WWOX: variants seen among roughly 807,000 people sequenced by gnomAD.
The protein encoded by WWOX is WW domain containing oxidoreductase, also known as WW domain-containing oxidoreductase.
A neutral mutation model predicts 46.2 loss-of-function variants in WWOX; 69 were observed. The ratio of observed to expected loss-of-function variants is 1.49; its 90% CI spans 1.23 to 1.82. The LOEUF (loss-of-function observed/expected upper bound fraction) is 1.82, where lower values mean the gene tolerates loss of function less well. WWOX is among the 40% of genes most tolerant of loss of function. The pLI is 0.00. For synonymous variants in WWOX, 359 were observed against 202.6 expected, an observed-to-expected ratio of 1.77 and a Z score of -6.56; for missense variants, 919 against 542.6, an observed-to-expected ratio of 1.69 and a Z score of -6.89.
Position 79,186,526 on chromosome 16 carries a change from C to T in WWOX, c.1057-25082C>T, listed in dbSNP as rs146848122. Reference sequence around the variant, plus strand: ...CTGGTCACATTGGATTAAGGGCCTACCCTATTCCAGTCTGACTGCATCTTA... The same window carrying T: ...CTGGTCACATTGGATTAAGGGCCTATCCTATTCCAGTCTGACTGCATCTTA... On this transcript the variant is annotated intron_variant, in intron 8 of 8. Transcript: ENST00000566780. 2.4e-3 allele frequency among the ~76,000 whole-genome samples: 371 copies of T among 152,336 alleles called. 2 individuals are homozygous for T. The highest frequency in any genetic ancestry group is 8.3e-3 in the African/African-American group (343 of 41,574).
In WWOX at chr16:79,102,636, T is replaced by C. The variant is rs561363708; in HGVS notation, c.1057-108972T>C. 3.3e-5 allele frequency among the ~76,000 whole-genome samples: 5 copies of C among 152,120 alleles called. No homozygotes were observed. The East Asian group carries it at 7.8e-4, about 24-fold the overall frequency. On this transcript the variant is annotated intron_variant, in intron 8 of 8. Coordinates refer to ENST00000566780, the MANE Select transcript of WWOX (RefSeq NM_016373.4). Reference sequence around the variant, plus strand: ...ATGATCTCATTAAACAAGAAACATATATACAGTGCCTACCTAGGAAAGAGC... The same window carrying C: ...ATGATCTCATTAAACAAGAAACATACATACAGTGCCTACCTAGGAAAGAGC...
chr16:78,329,698 C>T (rs754765011), intron 5 of WWOX, among the ~76,000 whole-genome samples: 1 of 151,980 alleles, frequency 6.6e-6, no homozygotes, highest in Non-Finnish European at 1.5e-5. Flanking sequence ...CCAACATATA[C>T]ATGGGGAGGT....
chr16:79,131,395 C>T (rs1022980890), intron 8 of WWOX, among the ~76,000 whole-genome samples: 1 of 152,002 alleles, frequency 6.6e-6, no homozygotes, highest in Non-Finnish European at 1.5e-5. Context: ...CTTTTTTTCC[C>T]TCCTGATTCG....
intron 8 of WWOX, among the ~76,000 whole-genome samples, chr16:78,585,038 G>A (rs760664346): frequency 1.3e-5 from 2 of 152,146 alleles, no homozygotes; most frequent in Non-Finnish European, 1.5e-5. Context: ...ATTCAGCTGA[G>A]GCCTCCACCC....
At chr16:79,024,089 G>C (rs924462615) in intron 8 of WWOX, among the ~76,000 whole-genome samples, 9 of 152,234 alleles carry the variant, frequency 5.9e-5, no homozygotes, top group African/African-American at 2.2e-4. Flanking sequence ...AGTGATTGCA[G>C]GGGGCTGGGA....
chr16:78,834,611 T>A (rs2051925958), intron 8 of WWOX, among the ~76,000 whole-genome samples: 1 of 152,182 alleles, frequency 6.6e-6, no homozygotes. Flanking sequence ...CAGCGTAGTT[T>A]GTTGCAGATG....
At chr16:78,373,103 A>G (rs1038080895) in intron 5 of WWOX, among the ~76,000 whole-genome samples, 12 of 152,102 alleles carry the variant, frequency 7.9e-5, no homozygotes, top group African/African-American at 2.7e-4. Context: ...GCTTTTTTTC[A>G]GGAACACATC....
intron 8 of WWOX, among the ~76,000 whole-genome samples, chr16:79,001,079 G>A (rs888282727): frequency 6.6e-6 from 1 of 152,218 alleles, no homozygotes. Context: ...ATCTGCAGGA[G>A]AAAGAAGGGC....
chr16:79,119,470 T>C (rs1341030441), intron 8 of WWOX, among the ~76,000 whole-genome samples: 1 of 152,216 alleles, frequency 6.6e-6, no homozygotes, highest in Non-Finnish European at 1.5e-5. Context: ...CCGCGCTCCA[T>C]GAGTCTGACA....
At chr16:78,546,830 G>C (rs1021657675) in intron 8 of WWOX, among the ~76,000 whole-genome samples, 1 of 152,104 alleles carries the variant, frequency 6.6e-6, no homozygotes, top group Admixed American at 6.5e-5. Flanking sequence ...TAGTTGTTAA[G>C]AACTACCAGA....
At chr16:79,085,162 A>G (rs2048831610) in intron 8 of WWOX, among the ~76,000 whole-genome samples, 1 of 152,224 alleles carries the variant, frequency 6.6e-6, no homozygotes, top group South Asian at 2.1e-4. Context: ...GTTTAGGGAC[A>G]AAAACACGGG....
intron 8 of WWOX, among the ~76,000 whole-genome samples, chr16:79,169,716 G>T (rs2050663673): frequency 6.6e-6 from 1 of 152,214 alleles, no homozygotes; most frequent in Non-Finnish European, 1.5e-5. Context: ...AAATGGGTGG[G>T]TGGGCAGGAT....
At chr16:79,189,803 G>A (rs1345884) in intron 8 of WWOX, among the ~76,000 whole-genome samples, 18,859 of 151,534 alleles carry the variant, frequency 0.12, 1,432 homozygotes, top group East Asian at 0.24. Flanking sequence ...GGTGGGAGGG[G>A]GGGGATATTT....
At chr16:78,342,006 C>T (rs2081024391) in intron 5 of WWOX, among the ~76,000 whole-genome samples, 1 of 120,318 alleles carries the variant, frequency 8.3e-6, no homozygotes, top group Non-Finnish European at 2.0e-5. Flanking sequence ...GTACCAGGTA[C>T]TTCGGAGGCT....
At chr16:79,186,146 C>G (rs751717337) in intron 8 of WWOX, among the ~76,000 whole-genome samples, 18 of 152,116 alleles carry the variant, frequency 1.2e-4, no homozygotes, top group Non-Finnish European at 2.2e-4. Context: ...AAGGATACAT[C>G]CAGGACTGTG....
At chr16:79,049,705 C>T (rs62040108) in intron 8 of WWOX, among the ~76,000 whole-genome samples, 10,154 of 151,758 alleles carry the variant, frequency 0.067, 396 homozygotes, top group African/African-American at 0.11. Flanking sequence ...GCGTGGTGGC[C>T]GGCGCCTGTA....
At chr16:78,183,148 C>T (rs2035585956) in intron 5 of WWOX, among the ~76,000 whole-genome samples, 1 of 151,996 alleles carries the variant, frequency 6.6e-6, no homozygotes, top group Admixed American at 6.6e-5. Context: ...CCACTGGACT[C>T]TCAGCACATA....
At chr16:78,511,462 G>A (rs1057364671) in intron 8 of WWOX, among the ~76,000 whole-genome samples, 2 of 152,246 alleles carry the variant, frequency 1.3e-5, no homozygotes, top group Non-Finnish European at 2.9e-5. Context: ...CGTTGAATGT[G>A]AAGGTCAGTA....
At chr16:78,442,946 C>A (rs532596414) in intron 8 of WWOX, among the ~76,000 whole-genome samples, 188 of 151,946 alleles carry the variant, frequency 1.2e-3, no homozygotes, top group Non-Finnish European at 2.1e-3. Context: ...CATGGTGAAA[C>A]CCTGTCTCTA....
Sources: gnomAD v4.1 joint callset for allele counts (sites outside exome capture counted in the v4.1 genomes callset) on GRCh38, gnomAD v4.1.1 for gene constraint, MANE v1.5 for transcripts, NCBI Gene and HGNC (gene_info 2026-07-23, HGNC 2026-07-21) for gene names.